Variants in WWOX observed in about 807,000 individuals in gnomAD.
WWOX encodes the protein WW domain containing oxidoreductase.
A neutral mutation model predicts 46.2 loss-of-function variants in WWOX; 69 were observed. The observed-to-expected ratio is 1.49, with a 90% CI of 1.23 to 1.82. The LOEUF is 1.82. WWOX is among the 40% of genes most tolerant of loss of function. The pLI is 0.00. For missense variants in WWOX, 919 were observed against 542.6 expected, an observed-to-expected ratio of 1.69 and a Z score of -6.89; for synonymous variants, 359 against 202.6, an observed-to-expected ratio of 1.77 and a Z score of -6.56.
chr16:78,118,727 G>A (rs940188545), intron 4 of WWOX, among the ~76,000 whole-genome samples: 5 of 152,106 alleles, frequency 3.3e-5, no homozygotes, highest in African/African-American at 1.2e-4. Context: ...AGATACTCCA[G>A]TTCATTGAAA....
At chr16:78,338,347 T>C (rs992047324) in intron 5 of WWOX, among the ~76,000 whole-genome samples, 2 of 121,676 alleles carry the variant, frequency 1.6e-5, no homozygotes, top group Non-Finnish European at 3.9e-5. Flanking sequence ...GTATGTGAAG[T>C]CTGTAGAGAC....
At chr16:78,651,580 C>G (rs889070946) in intron 8 of WWOX, among the ~76,000 whole-genome samples, 11 of 152,192 alleles carry the variant, frequency 7.2e-5, no homozygotes, top group African/African-American at 2.4e-4. Flanking sequence ...CTGTTCCATG[C>G]TTAGCCGTTC....
chr16:79,176,946 G>T (rs1014786450), intron 8 of WWOX, among the ~76,000 whole-genome samples: 1 of 152,040 alleles, frequency 6.6e-6, no homozygotes, highest in East Asian at 1.9e-4. Context: ...CCTCTCATCA[G>T]TTTCCACCCC....
At chr16:78,977,598 C>A (rs374603924) in intron 8 of WWOX, among the ~76,000 whole-genome samples, 2 of 149,700 alleles carry the variant, frequency 1.3e-5, no homozygotes, top group African/African-American at 4.9e-5. Context: ...TTTGTTGTTA[C>A]AAAAATGAAA....
intron 5 of WWOX, chr16:78,355,847 G>C (rs568626302): frequency 1.5e-6 from 1 of 665,028 alleles, no homozygotes; most frequent in South Asian, 1.4e-5. Flanking sequence ...CAAAGAATTT[G>C]TCCTGTACGG....
intron 8 of WWOX, among the ~76,000 whole-genome samples, chr16:79,038,343 G>A (rs1470050658): frequency 6.6e-6 from 1 of 152,026 alleles, no homozygotes; most frequent in Non-Finnish European, 1.5e-5. Context: ...AGAAGAAAAT[G>A]CTTATGATAC....
At chr16:78,103,261 TTTTAA>T (rs1291912719) in intron 1 of WWOX, among the ~76,000 whole-genome samples, 1 of 150,800 alleles carries the variant, frequency 6.6e-6, no homozygotes, top group African/African-American at 2.4e-5. Context: ...TTTTTTTTTT[TTTTAA>T]TTTAATTTAA....
At chr16:78,310,393 T>C (rs1016587312) in intron 5 of WWOX, among the ~76,000 whole-genome samples, 1 of 152,220 alleles carries the variant, frequency 6.6e-6, no homozygotes, top group Non-Finnish European at 1.5e-5. Flanking sequence ...GAATTAATAT[T>C]TCACAGAATA....
At position 78,657,617 on chromosome 16, in the gene WWOX, A is replaced by C. The variant is rs547023528; in HGVS notation, c.1056+224865A>C. Among the ~76,000 whole-genome samples the C allele has an allele frequency of 2.0e-5, 3 of 152,288 alleles. No individual in the cohort carries two copies. In the East Asian group the frequency reaches 5.8e-4, roughly 29 times the overall value. ...AGCCTACTGGACCTTTGTTTCTTGC[A>C]GTCAGGTTCTGATGACAGATTTTAG... is the stretch of plus-strand genomic sequence containing the variant. On this transcript the variant is annotated intron_variant, in intron 8 of 8. Transcript: ENST00000566780.
At chr16:78,470,648 G>C (rs1272821295) in intron 8 of WWOX, among the ~76,000 whole-genome samples, 1 of 152,160 alleles carries the variant, frequency 6.6e-6, no homozygotes, top group African/African-American at 2.4e-5. Context: ...TCCTGCCTCA[G>C]CCTCCCAAGT....
intron 8 of WWOX, among the ~76,000 whole-genome samples, chr16:78,647,127 G>GA (rs1316060824): frequency 6.6e-6 from 1 of 152,126 alleles, no homozygotes; most frequent in Non-Finnish European, 1.5e-5. Flanking sequence ...CCCCAATCTG[G>GA]AGTCCACCAT....
intron 8 of WWOX, among the ~76,000 whole-genome samples, chr16:79,000,281 G>C (rs2047068132): frequency 1.3e-5 from 2 of 152,180 alleles, no homozygotes; most frequent in Admixed American, 6.5e-5. Context: ...ATCTCTGGTA[G>C]ACAGAGTAAT....
At chr16:78,578,578 G>T (rs1004482587) in intron 8 of WWOX, among the ~76,000 whole-genome samples, 12 of 151,704 alleles carry the variant, frequency 7.9e-5, no homozygotes, top group African/African-American at 2.9e-4. Context: ...GTGAGCCACC[G>T]CGGCTGGCGA....
intron 6 of WWOX, among the ~76,000 whole-genome samples, chr16:78,414,429 C>T (rs1184039625): frequency 6.6e-6 from 1 of 152,130 alleles, no homozygotes; most frequent in African/African-American, 2.4e-5. Context: ...ATTAGCTGGG[C>T]ATGGTGCTGT....
intron 5 of WWOX, among the ~76,000 whole-genome samples, chr16:78,229,181 T>C (rs900686896): frequency 1.2e-4 from 18 of 151,718 alleles, no homozygotes; most frequent in African/African-American, 4.4e-4. Context: ...ATTGCAAAGA[T>C]GAGGTTACGA....
At chr16:78,910,579 C>T (rs2045084328) in intron 8 of WWOX, among the ~76,000 whole-genome samples, 1 of 151,372 alleles carries the variant, frequency 6.6e-6, no homozygotes, top group African/African-American at 2.4e-5. Context: ...ATACCCAAGA[C>T]TGAGTAATTT....
At chr16:78,632,327 G>C (rs997407532) in intron 8 of WWOX, among the ~76,000 whole-genome samples, 5 of 152,132 alleles carry the variant, frequency 3.3e-5, no homozygotes, top group Admixed American at 1.3e-4. Context: ...AATAGTATTT[G>C]ACACAGAGTA....
At chr16:78,668,933 T>G (rs2047395992) in intron 8 of WWOX, among the ~76,000 whole-genome samples, 1 of 152,128 alleles carries the variant, frequency 6.6e-6, no homozygotes, top group Non-Finnish European at 1.5e-5. Flanking sequence ...TTCATGTTTT[T>G]AAAAGGGAGA....
At chr16:78,122,404 T>A (rs910258652) in intron 4 of WWOX, among the ~76,000 whole-genome samples, 1 of 152,148 alleles carries the variant, frequency 6.6e-6, no homozygotes, top group Non-Finnish European at 1.5e-5. Flanking sequence ...AACTATTGTT[T>A]AATGACAAAG....
Sources: gnomAD v4.1 joint callset for allele counts (sites outside exome capture counted in the v4.1 genomes callset) on GRCh38, gnomAD v4.1.1 for gene constraint, MANE v1.5 for transcripts, NCBI Gene and HGNC (gene_info 2026-07-23, HGNC 2026-07-21) for gene names.